Variants in XIRP2 observed in about 807,000 individuals in gnomAD.
The protein encoded by XIRP2 is xin actin-binding repeat-containing protein 2.
XIRP2 carries 236 observed loss-of-function variants against 277.0 expected under a neutral mutation model. That is an observed-to-expected ratio of 0.85 (90% CI 0.77 to 0.95). XIRP2 has a LOEUF of 0.95. Ranked by LOEUF, XIRP2 falls within the 40% of genes least tolerant of loss-of-function variation. The pLI is 0.00. For synonymous variants in XIRP2, 1,490 were observed against 1,416.5 expected (o/e 1.05, Z -1.17); for missense variants, 4,640 against 4,157.5 (o/e 1.12, Z -3.19).
rs756367453 is a variant in XIRP2, at chr2:167,250,692, G to A, written c.9300G>A (p.Gln3100=). 3.1e-6 allele frequency: 5 copies of A among 1,613,530 alleles called. No homozygotes were observed. The East Asian group carries it at 1.1e-4, about 36-fold the overall frequency. Residue 3100 remains glutamine (Q), a synonymous_variant, in exon 9 of 11, where the codon CAG becomes CAA. Coordinates refer to ENST00000409195, the MANE Select transcript of XIRP2 (RefSeq NM_152381.6). The part of the protein sequence containing the change: ...ATVRSHVKTH[Q]EIKLDDSNIP... ...TTCGTAGTCACGTGAAAACCCATCA[G>A]GAAATTAAACTTGATGATAGCAACA...
At chr2:167,036,467 C>A (rs966255796) in intron 2 of XIRP2, among the ~76,000 whole-genome samples, 1 of 152,064 alleles carries the variant, frequency 6.6e-6, no homozygotes, top group Admixed American at 6.6e-5. Context: ...CCCTGTAACC[C>A]CCTTTTCTTT....
At chr2:167,078,508 G>A (rs868866989) in intron 2 of XIRP2, among the ~76,000 whole-genome samples, 21 of 152,070 alleles carry the variant, frequency 1.4e-4, no homozygotes, top group Non-Finnish European at 2.4e-4. Context: ...AGTACTATTA[G>A]GTTGGTGCAA....
chr2:167,122,199 G>T (rs888705537), intron 2 of XIRP2, among the ~76,000 whole-genome samples: 4 of 152,026 alleles, frequency 2.6e-5, no homozygotes, highest in Non-Finnish European at 5.9e-5. Flanking sequence ...TTAAATAATT[G>T]TACACATGCA....
chr2:167,223,474 T>C (rs1694494313), intron 5 of XIRP2, among the ~76,000 whole-genome samples: 1 of 152,346 alleles, frequency 6.6e-6, no homozygotes, highest in East Asian at 1.9e-4. Flanking sequence ...TATGCAGATT[T>C]GGAACAATCT....
At chr2:167,023,792 T>C (rs2105489832) in intron 2 of XIRP2, among the ~76,000 whole-genome samples, 1 of 152,254 alleles carries the variant, frequency 6.6e-6, no homozygotes, top group East Asian at 1.9e-4. Context: ...TTCTGAGGGA[T>C]CTGTTCTGTT....
chr2:167,072,633 C>T (rs933441786), intron 2 of XIRP2, among the ~76,000 whole-genome samples: 2 of 152,166 alleles, frequency 1.3e-5, no homozygotes, highest in African/African-American at 4.8e-5. Context: ...TTCATTTGAA[C>T]TCTATGTTCT....
Position 167,018,591 on chromosome 2 carries a change from C to T in XIRP2, c.408+114701C>T, listed in dbSNP as rs1295044085. ...CATAAGCCACAGACATAGAAGAGTCCCACATCCCACAAGAATGGACCCAAA... is the reference window on the plus strand; with the variant it reads ...CATAAGCCACAGACATAGAAGAGTCTCACATCCCACAAGAATGGACCCAAA... On this transcript the variant is annotated intron_variant, in intron 2 of 10. Transcript: ENST00000409195. 2.6e-5 allele frequency among the ~76,000 whole-genome samples: 4 copies of T among 151,858 alleles called. No homozygotes were observed. The East Asian group carries it at 7.8e-4, about 30-fold the overall frequency.
chr2:166,909,240 A>G (rs1231880891), intron 2 of XIRP2, among the ~76,000 whole-genome samples: 2 of 152,200 alleles, frequency 1.3e-5, no homozygotes, highest in East Asian at 3.8e-4. Context: ...GATTCTTCCT[A>G]TCCACGAGCA....
chr2:167,230,901 G>A (rs16853282), intron 5 of XIRP2, among the ~76,000 whole-genome samples: 22,296 of 151,972 alleles, frequency 0.15, 1,956 homozygotes, highest in African/African-American at 0.25. Flanking sequence ...ACTTATTTAC[G>A]TGATTTCTTA....
intron 2 of XIRP2, among the ~76,000 whole-genome samples, chr2:167,070,832 C>A (rs563416860): frequency 4.5e-4 from 68 of 152,110 alleles, no homozygotes; most frequent in Non-Finnish European, 5.1e-4. Context: ...TCTTGACACC[C>A]TTTTGTTAAC....
intron 2 of XIRP2, among the ~76,000 whole-genome samples, chr2:166,926,188 A>G (rs1042029775): frequency 6.6e-6 from 1 of 152,090 alleles, no homozygotes; most frequent in African/African-American, 2.4e-5. Flanking sequence ...TTTCTTATCC[A>G]ACTATGTTTG....
chr2:167,163,523 CTTG>C (rs1692430275), intron 3 of XIRP2, among the ~76,000 whole-genome samples: 1 of 152,104 alleles, frequency 6.6e-6, no homozygotes, highest in Non-Finnish European at 1.5e-5. Flanking sequence ...TTTTTATTAT[CTTG>C]TTGTAGGTGT....
At chr2:167,020,415 C>T (rs1163696168) in intron 2 of XIRP2, among the ~76,000 whole-genome samples, 1 of 151,992 alleles carries the variant, frequency 6.6e-6, no homozygotes, top group Admixed American at 6.6e-5. Context: ...ACAAACACCA[C>T]AGATCATTAC....
At chr2:167,121,206 G>T (rs1691047548) in intron 2 of XIRP2, among the ~76,000 whole-genome samples, 1 of 152,134 alleles carries the variant, frequency 6.6e-6, no homozygotes, top group African/African-American at 2.4e-5. Context: ...AGAACTTTAT[G>T]CTCCTGAAAT....
At position 167,245,861 on chromosome 2, in the gene XIRP2, C is replaced by T; in HGVS notation, c.4469C>T (p.Ala1490Val). 1 of 1,613,690 alleles carries T rather than the reference C, an allele frequency of 6.2e-7. No individual in the cohort carries two copies. Among genetic ancestry groups the T allele is most frequent in the Non-Finnish European group, 8.5e-7 (1 of 1,179,766 alleles). The change falls in exon 9 of 11, where the codon GCT becomes GTT. Residue 1490 changes from alanine to valine, a missense_variant. Coordinates refer to ENST00000409195, the MANE Select transcript of XIRP2 (RefSeq NM_152381.6). Reference sequence around the variant, plus strand: ...GTGCAGAAAGGTGATGTTAAGCAGGCTGTGTGGCTTTTTGAAAATCGAACT... The same window carrying T: ...GTGCAGAAAGGTGATGTTAAGCAGGTTGTGTGGCTTTTTGAAAATCGAACT... The part of the protein sequence containing the change: ...EDVQKGDVKQ[A>V]VWLFENRTFD...
intron 3 of XIRP2, among the ~76,000 whole-genome samples, chr2:167,166,629 G>A (rs990074641): frequency 2.6e-5 from 4 of 152,090 alleles, no homozygotes; most frequent in African/African-American, 9.7e-5. Context: ...AGAGGGATCC[G>A]GCAAGTCACG....
intron 3 of XIRP2, among the ~76,000 whole-genome samples, chr2:167,148,336 C>T (rs1045549600): frequency 6.8e-6 from 1 of 147,750 alleles, no homozygotes; most frequent in African/African-American, 2.5e-5. Context: ...GAGCCGAGAT[C>T]GCACCATTGC....
chr2:167,254,283 A>C, intron 10 of XIRP2, 118 bp downstream of exon 10: 1 of 1,197,082 alleles, frequency 8.4e-7, no homozygotes, highest in Non-Finnish European at 1.1e-6. Context: ...AGTTAACACA[A>C]CCACACAGGG....
At chr2:167,094,497 G>A (rs1558978039) in intron 2 of XIRP2, among the ~76,000 whole-genome samples, 4 of 152,100 alleles carry the variant, frequency 2.6e-5, no homozygotes. Context: ...TTTGTATAAG[G>A]TGTAAGGAAG....
Sources: allele counts gnomAD v4.1 joint callset (sites outside exome capture counted in the v4.1 genomes callset), GRCh38; gene constraint gnomAD v4.1.1; transcripts MANE v1.5; gene names NCBI Gene and HGNC (gene_info 2026-07-23, HGNC 2026-07-21).